The following RIC3 variants were observed in gnomAD, a reference collection of about 807,000 sequenced individuals.
The protein encoded by RIC3 is RIC3 acetylcholine receptor chaperone.
In RIC3, 28 loss-of-function variants were observed where a neutral mutation model predicts 27.3. The observed-to-expected ratio is 1.02, with a 90% CI of 0.76 to 1.41. The LOEUF (loss-of-function observed/expected upper bound fraction) is 1.41. Among genes scored for constraint, RIC3 ranks in the 40% most tolerant of loss-of-function variants. The pLI is 0.00. For missense variants in RIC3, 501 were observed against 444.7 expected, an observed-to-expected ratio of 1.13 and a Z score of -1.14; for synonymous variants, 184 against 160.4, an observed-to-expected ratio of 1.15 and a Z score of -1.11.
At chr11:8,151,587 A>AAAAAAAAAAAG (rs1950234133) in intron 1 of RIC3, among the ~76,000 whole-genome samples, 1 of 141,956 alleles carries the variant, frequency 7.0e-6, no homozygotes, top group Admixed American at 7.2e-5. Context: ...CTCCGTCTCA[A>AAAAAAAAAAAG]AAAAAAAAAA....
chr11:8,094,001 C>T, the RIC3 span: 1 of 1,613,248 alleles, frequency 6.2e-7, no homozygotes, highest in East Asian at 2.2e-5. Flanking sequence ...TGGTCTCACC[C>T]ACTGCCTGTT....
chr11:8,168,860 T>A lies in RIC3; in HGVS notation c.124+6A>T. 2.5e-6 allele frequency: 4 copies of A among 1,611,396 alleles called. No homozygotes were observed. Among genetic ancestry groups the A allele is most frequent in the Non-Finnish European group, 3.4e-6 (4 of 1,178,684 alleles). On this transcript the variant is annotated splice_donor_region_variant and intron_variant, in intron 1 of 5. Coordinates refer to ENST00000309737, the MANE Select transcript of RIC3 (RefSeq NM_001206671.4). ...GGAAGCTCAGAGGGAGCTGGCCTGC[T>A]CTTACCTTCAGGTGTCGGCGGCGGC...
downstream of RIC3, chr11:8,102,557 A>G (rs957094557): frequency 6.6e-6 from 1 of 152,254 alleles, no homozygotes; most frequent in African/African-American, 2.4e-5. Context: ...TCCTGCTGCC[A>G]GAGAACCATT....
chr11:8,139,810 G>C, intron 2 of RIC3, 157 bp downstream of exon 2: 1 of 667,628 alleles, frequency 1.5e-6, no homozygotes, highest in East Asian at 2.8e-5. Context: ...CTGAAATAAT[G>C]GCTATCCTAA....
chr11:8,128,617 G>T (rs144521851), intron 4 of RIC3, among the ~76,000 whole-genome samples: 1 of 152,058 alleles, frequency 6.6e-6, no homozygotes, highest in East Asian at 1.9e-4. Flanking sequence ...TAGACACAAT[G>T]CCATGATCAC....
At chr11:8,100,725 C>G in the RIC3 span, 1 of 1,562,252 alleles carries the variant, frequency 6.4e-7, no homozygotes, top group Non-Finnish European at 8.8e-7. Flanking sequence ...CCCTGGAGGT[C>G]TAGGGAAATC....
At chr11:8,131,348 T>C (rs1947677554) in intron 4 of RIC3, among the ~76,000 whole-genome samples, 1 of 152,212 alleles carries the variant, frequency 6.6e-6, no homozygotes, top group African/African-American at 2.4e-5. Flanking sequence ...ACATCTAATT[T>C]CTGCTTTGGG....
intron 1 of RIC3, among the ~76,000 whole-genome samples, chr11:8,164,610 CT>C (rs1199224016): frequency 5.9e-5 from 9 of 151,716 alleles, no homozygotes; most frequent in Non-Finnish European, 1.2e-4. Context: ...AGCCTCATTT[CT>C]GCCAAAAAAT....
At chr11:8,131,236 T>G (rs1947665209) in intron 4 of RIC3, among the ~76,000 whole-genome samples, 2 of 152,212 alleles carry the variant, frequency 1.3e-5, no homozygotes, top group Admixed American at 1.3e-4. Context: ...TCACGGAGCC[T>G]ACAGTCTTTT....
intron 5 of RIC3, among the ~76,000 whole-genome samples, chr11:8,120,710 TA>T (rs950805688): frequency 1.6e-4 from 24 of 146,210 alleles, no homozygotes; most frequent in East Asian, 4.0e-4. Context: ...AAATATAATT[TA>T]AAAAAAAAAG....
chr11:8,134,903 G>C (rs1436017787), intron 4 of RIC3, among the ~76,000 whole-genome samples: 1 of 152,154 alleles, frequency 6.6e-6, no homozygotes, highest in African/African-American at 2.4e-5. Context: ...CCCTTTGTCA[G>C]ATGAGTAGAT....
chr11:8,104,793 A>AAG (rs1944467480), downstream of RIC3: 3 of 152,330 alleles, frequency 2.0e-5, no homozygotes, highest in Admixed American at 2.0e-4. Context: ...AGTTCAGAGG[A>AAG]AGCACATAAT....
chr11:8,097,573 G>A, the RIC3 span: 7 of 1,321,448 alleles, frequency 5.3e-6, no homozygotes, highest in South Asian at 6.6e-5. Flanking sequence ...GCACATCTTT[G>A]TGTTTTCCAG....
intron 5 of RIC3, among the ~76,000 whole-genome samples, chr11:8,111,582 A>G (rs1354035501): frequency 1.3e-5 from 2 of 152,208 alleles, no homozygotes; most frequent in Non-Finnish European, 2.9e-5. Flanking sequence ...AGGAATGCTA[A>G]GCTCTTTGAA....
chr11:8,104,666 T>C (rs1944459630), downstream of RIC3: 1 of 152,214 alleles, frequency 6.6e-6, no homozygotes, highest in Non-Finnish European at 1.5e-5. Flanking sequence ...CATCCAAGAA[T>C]GTTGTTAGCT....
At chr11:8,101,556 G>A (rs759561256), downstream of RIC3, 9 of 1,614,136 alleles carry the variant, frequency 5.6e-6, no homozygotes, top group African/African-American at 9.3e-5. Flanking sequence ...ACTACCCGCT[G>A]TGTGCACTGC....
At chr11:8,096,587 G>A in the RIC3 span, 517 of 808,524 alleles carry the variant, frequency 6.4e-4, 4 homozygotes, top group Non-Finnish European at 1.7e-4. Context: ...GGGGGTACAG[G>A]TGAGTCAGTG....
At chr11:8,148,006 T>C (rs1949880926) in intron 1 of RIC3, among the ~76,000 whole-genome samples, 1 of 152,218 alleles carries the variant, frequency 6.6e-6, no homozygotes, top group Non-Finnish European at 1.5e-5. Flanking sequence ...ATTACAGGCA[T>C]GAGCCGAATT....
At chr11:8,142,280 C>G (rs1949167368) in intron 1 of RIC3, among the ~76,000 whole-genome samples, 1 of 133,346 alleles carries the variant, frequency 7.5e-6, no homozygotes, top group South Asian at 2.5e-4. Context: ...AGACCGCTAG[C>G]AACACTAATA....
Sources: allele counts gnomAD v4.1 joint callset (sites outside exome capture counted in the v4.1 genomes callset), GRCh38; gene constraint gnomAD v4.1.1; transcripts MANE v1.5; gene names NCBI Gene and HGNC (gene_info 2026-07-23, HGNC 2026-07-21).